Variants in ADGRL3 observed in about 807,000 individuals in gnomAD.
ADGRL3 encodes calcium-independent alpha-latrotoxin receptor 3.
A neutral mutation model predicts 153.5 loss-of-function variants in ADGRL3; 62 were observed. The observed-to-expected ratio is 0.40, with a 90% CI of 0.33 to 0.50. ADGRL3 has a LOEUF of 0.50. ADGRL3 is among the 20% of genes least tolerant of loss of function. The pLI, the probability that ADGRL3 is intolerant of heterozygous loss-of-function variation, is 0.47. For missense variants in ADGRL3, 1,641 were observed against 1,859.4 expected (o/e 0.88, Z 2.16); for synonymous variants, 710 against 672.5 (o/e 1.06, Z -0.86).
chr4:61,347,232 T>G (rs962615187), intron 1 of ADGRL3, among the ~76,000 whole-genome samples: 1 of 152,004 alleles, frequency 6.6e-6, no homozygotes, highest in Non-Finnish European at 1.5e-5. Flanking sequence ...AGAAAATTTC[T>G]GGCTTTAGGA....
At chr4:61,310,542 T>A (rs901907829) in intron 1 of ADGRL3, among the ~76,000 whole-genome samples, 1 of 152,110 alleles carries the variant, frequency 6.6e-6, no homozygotes, top group Non-Finnish European at 1.5e-5. Context: ...TATGCTTTGG[T>A]GCGTTCAAAG....
At chr4:61,485,974 C>T (rs1052834162) in intron 2 of ADGRL3, among the ~76,000 whole-genome samples, 2 of 151,280 alleles carry the variant, frequency 1.3e-5, no homozygotes, top group Admixed American at 6.6e-5. Context: ...GATGGAGTCT[C>T]GCTCTGTCGC....
At chr4:61,473,872 C>T (rs2098005405) in intron 2 of ADGRL3, among the ~76,000 whole-genome samples, 1 of 151,908 alleles carries the variant, frequency 6.6e-6, no homozygotes, top group Non-Finnish European at 1.5e-5. Context: ...TTGATGGAGA[C>T]AAGAAGATGA....
intron 1 of ADGRL3, among the ~76,000 whole-genome samples, chr4:61,310,922 T>C (rs2094977233): frequency 1.3e-5 from 2 of 151,992 alleles, no homozygotes; most frequent in Non-Finnish European, 2.9e-5. Flanking sequence ...TATTCCAGTC[T>C]AGGTTGTAGT....
rs376863261 is a variant in ADGRL3 at position 61,503,609 on chromosome 4, C to T, written c.55+6261C>T. ...CATAAAAATATATTTTTTGAAAAGACGGTAAGATATCATTAGAAGACATTT... is the reference window on the plus strand; with the variant it reads ...CATAAAAATATATTTTTTGAAAAGATGGTAAGATATCATTAGAAGACATTT... On this transcript the variant is annotated intron_variant, in intron 3 of 26. Coordinates refer to ENST00000683033, the MANE Select transcript of ADGRL3 (RefSeq NM_001387552.1). Among the ~76,000 whole-genome samples the T allele has an allele frequency of 3.0e-4, 45 of 151,772 alleles. No homozygotes were observed. The East Asian group carries it at 3.9e-3, about 13-fold the overall frequency.
intron 1 of ADGRL3, among the ~76,000 whole-genome samples, chr4:61,310,687 A>G (rs2094964447): frequency 6.6e-6 from 1 of 151,852 alleles, no homozygotes; most frequent in Admixed American, 6.6e-5. Context: ...CCCTCATTAC[A>G]GTTACTACTT....
intron 9 of ADGRL3, among the ~76,000 whole-genome samples, chr4:61,871,221 T>C (rs150691230): frequency 0.049 from 7,354 of 150,194 alleles, 191 homozygotes; most frequent in South Asian, 0.071. Context: ...GAGCTTGCAG[T>C]GAGCAGAGAT....
chr4:61,932,313 A>G (rs1487387081), intron 13 of ADGRL3, among the ~76,000 whole-genome samples: 1 of 152,142 alleles, frequency 6.6e-6, no homozygotes, highest in East Asian at 1.9e-4. Flanking sequence ...ATGTTATCTA[A>G]GAGCTTTTAT....
chr4:61,276,118 A>T (rs889487812), intron 1 of ADGRL3, among the ~76,000 whole-genome samples: 2 of 152,080 alleles, frequency 1.3e-5, no homozygotes, highest in Non-Finnish European at 2.9e-5. Flanking sequence ...TGATTATCTT[A>T]CTCTGAAAAC....
chr4:61,982,106 T>C (rs1175420774), intron 18 of ADGRL3, among the ~76,000 whole-genome samples: 2 of 152,194 alleles, frequency 1.3e-5, no homozygotes, highest in Non-Finnish European at 2.9e-5. Flanking sequence ...TTTATTCTCT[T>C]GTTAGCTTGC....
intron 17 of ADGRL3, among the ~76,000 whole-genome samples, chr4:61,964,283 T>A (rs767919118): frequency 5.2e-4 from 79 of 152,192 alleles, no homozygotes; most frequent in Middle Eastern, 3.2e-3. Context: ...AGAATCGTAT[T>A]GAGAATTATA....
chr4:61,347,524 C>T (rs1233395300), intron 1 of ADGRL3, among the ~76,000 whole-genome samples: 1 of 152,078 alleles, frequency 6.6e-6, no homozygotes, highest in Non-Finnish European at 1.5e-5. Context: ...TTGAAGAAAG[C>T]AAATGCAATG....
chr4:61,581,462 TTCCC>T (rs1268411003), intron 4 of ADGRL3, among the ~76,000 whole-genome samples: 1 of 151,988 alleles, frequency 6.6e-6, no homozygotes, highest in Admixed American at 6.6e-5. Flanking sequence ...CACGGGACAA[TTCCC>T]TCCTAGAGAT....
intron 1 of ADGRL3, among the ~76,000 whole-genome samples, chr4:61,369,863 C>G (rs1439557081): frequency 6.6e-6 from 1 of 152,000 alleles, no homozygotes; most frequent in Non-Finnish European, 1.5e-5. Context: ...TGGTCCTGGA[C>G]TCTTTTTGGT....
intron 6 of ADGRL3, among the ~76,000 whole-genome samples, chr4:61,725,804 A>G (rs890918309): frequency 6.6e-5 from 10 of 152,042 alleles, no homozygotes; most frequent in African/African-American, 2.4e-4. Context: ...ACTGTGTTTC[A>G]TTGAGTTTGT....
At position 61,319,642 on chromosome 4, in the gene ADGRL3, T is replaced by C. The variant is rs2095312504; in HGVS notation, c.-239-63482T>C. ...ATAAACTGAGAATTAATGTATCTCA[T>C]TGAGCTCAAATTTGATTGTACGTCA... On this transcript the variant is annotated intron_variant, in intron 1 of 26. Transcript: ENST00000683033. Among the ~76,000 whole-genome samples, 3 of 152,182 alleles carry C rather than the reference T, an allele frequency of 2.0e-5. No homozygotes were observed. The South Asian group carries it at 6.2e-4, about 32-fold the overall frequency.
At chr4:61,425,337 T>C (rs895491059) in intron 2 of ADGRL3, 1 of 152,322 alleles carries the variant, frequency 6.6e-6, no homozygotes, top group African/African-American at 2.4e-5. Context: ...GCATCGCCCA[T>C]GGGACCCCAA....
intron 17 of ADGRL3, among the ~76,000 whole-genome samples, chr4:61,956,537 T>G (rs941049338): frequency 6.6e-6 from 1 of 152,190 alleles, no homozygotes; most frequent in African/African-American, 2.4e-5. Flanking sequence ...GCTCTTTAGT[T>G]TAATTAGATC....
intron 11 of ADGRL3, among the ~76,000 whole-genome samples, chr4:61,904,177 T>TAAG (rs2098682731): frequency 7.3e-6 from 1 of 136,160 alleles, no homozygotes; most frequent in African/African-American, 2.7e-5. Flanking sequence ...TATTGTTCAT[T>TAAG]AAAAAAAAAA....
Sources: gnomAD v4.1 joint callset for allele counts (sites outside exome capture counted in the v4.1 genomes callset) on GRCh38, gnomAD v4.1.1 for gene constraint, MANE v1.5 for transcripts, NCBI Gene and HGNC (gene_info 2026-07-23, HGNC 2026-07-21) for gene names.